Variants in FRY observed in about 807,000 individuals in gnomAD.
The protein encoded by FRY is protein furry homolog.
FRY carries 128 observed loss-of-function variants against 348.4 expected under a neutral mutation model. That is an observed-to-expected ratio of 0.37 (90% CI 0.32 to 0.43). FRY has a LOEUF of 0.43. FRY is among the 20% of genes least tolerant of loss of function. FRY has a pLI of 1.00. For synonymous variants in FRY, 1,370 were observed against 1,374.7 expected (o/e 1.00, Z 0.08); for missense variants, 2,736 against 3,695.2 (o/e 0.74, Z 6.73).
At position 32,231,193 on chromosome 13, in the gene FRY, T is replaced by G; in HGVS notation, c.5420T>G (p.Leu1807Arg). Residue 1807 changes from leucine to arginine, a missense_variant, in exon 41 of 61, where the codon CTT (leucine) becomes CGT (arginine). Leu to Arg is a moderately radical substitution (Grantham distance 102, BLOSUM62 -2). Coordinates refer to ENST00000542859, the MANE Select transcript of FRY (RefSeq NM_023037.3). ...EFLTTRAFGP[L>R]WCHEDITPKN... ...TTTTGTTTAAGGGCATTTGGTCCAC[T>G]TTGGTGCCATGAAGACATCACACCT... The G allele has an allele frequency of 6.2e-7, 1 of 1,613,684 alleles. No homozygotes were observed. Among genetic ancestry groups the G allele is most frequent in the Non-Finnish European group, 8.5e-7 (1 of 1,179,560 alleles).
Position 32,295,696 on chromosome 13 carries a change from T to C in FRY, c.*236T>C, listed in dbSNP as rs1258269867. The C allele has an allele frequency of 1.7e-6, 1 of 584,150 alleles. No homozygotes were observed. The highest frequency in any genetic ancestry group is 1.9e-5 in the African/African-American group (1 of 53,560). 36.2% of individuals were successfully genotyped at this position (584,150 alleles called of 1,614,324 possible). On this transcript the variant is annotated 3_prime_UTR_variant, in exon 61 of 61. Transcript: ENST00000542859. ...CACTCATCATGCTGTGTGGCACAAA[T>C]GTGTTACATTTGACCGAGCATATGC...
chr13:32,249,645 C>A lies in FRY; in HGVS notation c.7128C>A (p.Asn2376Lys). 9 of 1,614,200 alleles carry A rather than the reference C, an allele frequency of 5.6e-6. No individual in the cohort carries two copies. The highest frequency in any genetic ancestry group is 7.6e-6 in the Non-Finnish European group (9 of 1,180,024). Residue 2376 changes from asparagine (N) to lysine (K), a missense_variant, in exon 49 of 61, where the codon AAC becomes AAA. Physicochemically the swap from Asn to Lys is moderately conservative, Grantham distance 94. Transcript: ENST00000542859. ...CCACTTCCTCAGGCTCCAACTCCAACGTCCTTGTTCCAGTGAGCTGGAAAA... is the reference window on the plus strand; with the variant it reads ...CCACTTCCTCAGGCTCCAACTCCAAAGTCCTTGTTCCAGTGAGCTGGAAAA... ...TSSTSSGSNSNVLVPVSWKRP... is the reference protein window; with the variant it reads ...TSSTSSGSNSKVLVPVSWKRP...
At chr13:32,277,772 G>T (rs533956688) in intron 57 of FRY, among the ~76,000 whole-genome samples, 2 of 152,336 alleles carry the variant, frequency 1.3e-5, no homozygotes, top group Non-Finnish European at 2.9e-5. Context: ...TTCTGTTTCT[G>T]TGGCCTTTTA....
intron 4 of FRY, among the ~76,000 whole-genome samples, chr13:32,123,360 T>C (rs1878801541): frequency 3.3e-5 from 5 of 152,208 alleles, no homozygotes; most frequent in Admixed American, 3.3e-4. Context: ...ACTGCTTTGC[T>C]TCTCCTACCT....
intron 29 of FRY, among the ~76,000 whole-genome samples, chr13:32,199,475 A>T (rs2520697): frequency 0.42 from 63,138 of 152,076 alleles, 13,334 homozygotes; most frequent in African/African-American, 0.45. Flanking sequence ...TGTGCATTGA[A>T]GGAGTATTTT....
chr13:32,261,655 C>T lies in FRY; in HGVS notation c.7456C>T (p.Arg2486Cys). 1.9e-6 allele frequency: 3 copies of T among 1,614,126 alleles called. No individual in the cohort carries two copies. Among genetic ancestry groups the T allele is most frequent in the Non-Finnish European group, 2.5e-6 (3 of 1,180,010 alleles). Residue 2486 changes from arginine to cysteine, a missense_variant, in exon 52 of 61, where the codon CGT becomes TGT. By Grantham distance (180) the Arg-to-Cys change is radical. Around this residue, in one of 9 missense-constraint regions of FRY, gnomAD observed 789 missense variants for 996.2 expected, o/e 0.79. Transcript: ENST00000542859. ...MDNFNWGVRR[R>C]SLDSLDKCDM... is the part of the protein sequence containing the mutation. ...CAATTTCAACTGGGGAGTGCGCAGA[C>T]GTTCTCTGGACAGCCTGGATAAGTG...
chr13:32,136,707 C>T lies in FRY; in HGVS notation c.1078-164C>T, dbSNP rs77994182. ...TATCAGAAAGCGTTTGTGAAATGCG[C>T]GCCAGTGCCCTGCATCCACTGGGCA... On this transcript the variant is annotated intron_variant, in intron 10 of 60. Transcript: ENST00000542859. Among the ~76,000 whole-genome samples, 468 of 152,348 alleles carry T rather than the reference C, an allele frequency of 3.1e-3. 1 individual carries two copies. The highest frequency in any genetic ancestry group is 0.011 in the African/African-American group (438 of 41,588).
intron 34 of FRY, among the ~76,000 whole-genome samples, 195 bp from the exon 35 acceptor site, chr13:32,212,097 T>C (rs1457773891): frequency 2.6e-5 from 4 of 152,212 alleles, no homozygotes; most frequent in African/African-American, 9.6e-5. Context: ...CCATAACAGA[T>C]GTCTACGATT....
At chr13:32,133,465 A>G (rs539516165) in intron 8 of FRY, among the ~76,000 whole-genome samples, 3 of 152,314 alleles carry the variant, frequency 2.0e-5, no homozygotes, top group East Asian at 1.9e-4. Flanking sequence ...TCCTTTATCT[A>G]TATACATGAA....
At chr13:32,035,499 A>G (rs533012510) in intron 1 of FRY, among the ~76,000 whole-genome samples, 3 of 152,296 alleles carry the variant, frequency 2.0e-5, no homozygotes, top group Admixed American at 1.3e-4. Context: ...GGATAGTTCA[A>G]GCTATTTTCC....
intron 47 of FRY, among the ~76,000 whole-genome samples, chr13:32,246,541 T>G (rs1205741568): frequency 6.6e-6 from 1 of 152,246 alleles, no homozygotes; most frequent in Non-Finnish European, 1.5e-5. Context: ...AGATGACCCT[T>G]GCAGGCCATG....
chr13:32,234,737 A>G lies in FRY; in HGVS notation c.5691A>G (p.Ile1897Met). ...TTCTCTCAAGATTGGTGGAGGTGAT[A>G]GGAGAACATGGAGATGAGATTCAGG... is the stretch of plus-strand genomic sequence containing the variant. ...SDLLSRLVEVIGEHGDEIQGY... is the reference protein window; with the variant it reads ...SDLLSRLVEVMGEHGDEIQGY... The change falls in exon 42 of 61, where the codon ATA becomes ATG. Residue 1897 changes from isoleucine (I) to methionine (M), a missense_variant. Around this residue, in one of 9 missense-constraint regions of FRY, gnomAD observed 794 missense variants for 977.0 expected, o/e 0.81. Coordinates refer to ENST00000542859, the MANE Select transcript of FRY (RefSeq NM_023037.3). 6.2e-7 allele frequency: 1 copy of G among 1,614,140 alleles called. No homozygotes were observed. The highest frequency in any genetic ancestry group is 2.2e-5 in the East Asian group (1 of 44,878).
intron 34 of FRY, among the ~76,000 whole-genome samples, chr13:32,211,317 G>T (rs1029253144): frequency 6.6e-6 from 1 of 152,178 alleles, no homozygotes; most frequent in Non-Finnish European, 1.5e-5. Flanking sequence ...AACTTAGCCG[G>T]ATGTGGTGGC....
chr13:32,055,385 G>A (rs2761181), intron 1 of FRY, among the ~76,000 whole-genome samples: 4,094 of 152,208 alleles, frequency 0.027, 183 homozygotes, highest in African/African-American at 0.094. Context: ...ATTCCTCTAC[G>A]TGGGAGGATG....
intron 17 of FRY, among the ~76,000 whole-genome samples, chr13:32,163,799 G>A (rs1881584980): frequency 6.6e-6 from 1 of 152,202 alleles, no homozygotes; most frequent in African/African-American, 2.4e-5. Flanking sequence ...GATGTGGTTG[G>A]AATGCTAGTG....
intron 4 of FRY, among the ~76,000 whole-genome samples, chr13:32,119,817 C>A (rs1878537870): frequency 6.6e-6 from 1 of 152,198 alleles, no homozygotes; most frequent in African/African-American, 2.4e-5. Flanking sequence ...ACAGCTCTTT[C>A]TCCTGGCAGG....
Position 32,057,892 on chromosome 13 carries a change from G to A in FRY, c.71-20942G>A, listed in dbSNP as rs377360264. Among the ~76,000 whole-genome samples the A allele has an allele frequency of 4.1e-4, 62 of 152,236 alleles. 1 individual carries two copies. Among genetic ancestry groups the A allele is most frequent in the Admixed American group, 2.6e-3 (39 of 15,290 alleles). ...GGAGAATGGCGTGAACCCGGGAGGC[G>A]GAGCTTGCAGTGAGCCAAGATCGCG... On this transcript the variant is annotated intron_variant, in intron 1 of 60. Transcript: ENST00000542859.
At chr13:32,222,438 C>G (rs1009062954) in intron 36 of FRY, among the ~76,000 whole-genome samples, 1 of 152,172 alleles carries the variant, frequency 6.6e-6, no homozygotes, top group East Asian at 1.9e-4. Flanking sequence ...CTGTGGAACA[C>G]AGACCTCAAG....
chr13:32,225,887 G>T lies in FRY; in HGVS notation c.5119G>T (p.Ala1707Ser). 2 of 1,614,094 alleles carry T rather than the reference G, an allele frequency of 1.2e-6. No homozygotes were observed. Among genetic ancestry groups the T allele is most frequent in the Non-Finnish European group, 1.7e-6 (2 of 1,179,984 alleles). The change falls in exon 39 of 61, where the codon GCT becomes TCT. Residue 1707 changes from alanine to serine, a missense_variant. Around this residue, in one of 9 missense-constraint regions of FRY, gnomAD observed 794 missense variants for 977.0 expected, o/e 0.81. Transcript: ENST00000542859. ...LSCNSNFHSI[A>S]SVLLQTREMG... ...TTGCAACAGCAATTTCCATTCCATT[G>T]CTTCCGTGCTCCTGCAGACCCGAGA...
Sources: allele counts gnomAD v4.1 joint callset (sites outside exome capture counted in the v4.1 genomes callset), GRCh38; gene constraint gnomAD v4.1.1; regional missense constraint gnomAD v4.1.1; transcripts MANE v1.5; gene names NCBI Gene and HGNC (gene_info 2026-07-23, HGNC 2026-07-21).